ZNF77: variants seen among roughly 807,000 people sequenced by gnomAD.
ZNF77 encodes ZNFpT1.
ZNF77 carries 15 observed loss-of-function variants against 13.5 expected under a neutral mutation model. The ratio of observed to expected loss-of-function variants is 1.11; its 90% CI spans 0.74 to 1.71. The LOEUF (loss-of-function observed/expected upper bound fraction) is 1.71, where lower values mean the gene tolerates loss of function less well. Ranked by LOEUF, ZNF77 falls within the 40% of genes most tolerant of loss-of-function variation. The pLI, the probability that ZNF77 is intolerant of heterozygous loss-of-function variation, is 0.00. For missense variants in ZNF77, 717 were observed against 676.4 expected, an observed-to-expected ratio of 1.06 and a Z score of -0.67; for synonymous variants, 282 against 250.0, an observed-to-expected ratio of 1.13 and a Z score of -1.21.
chr19:2,937,846 T>C (rs1347044390), intron 2 of ZNF77, among the ~76,000 whole-genome samples: 1 of 152,094 alleles, frequency 6.6e-6, no homozygotes, highest in East Asian at 1.9e-4. Context: ...AACCTCCGTG[T>C]CCTGGGTTCA....
chr19:2,934,172 T>A lies in ZNF77; in HGVS notation c.955A>T (p.Thr319Ser), dbSNP rs2088372696. Residue 319 changes from threonine (T) to serine (S), a missense_variant, in exon 4 of 4, where the codon ACT becomes TCT. Transcript: ENST00000314531. ...TTACACTGACAGGGTTTCTCTCCAG[T>A]GTGCGTCCTCACGTGATCTCTAAAG... is the stretch of plus-strand genomic sequence containing the variant. ...SSFRDHVRTH[T>S]GEKPCQCKHC... 2 of 1,614,232 alleles carry A rather than the reference T, an allele frequency of 1.2e-6. No homozygotes were observed. The highest frequency in any genetic ancestry group is 1.7e-6 in the Non-Finnish European group (2 of 1,180,030).
intron 1 of ZNF77, among the ~76,000 whole-genome samples, chr19:2,944,053 C>A (rs1028220746): frequency 5.3e-5 from 8 of 151,928 alleles, no homozygotes; most frequent in African/African-American, 1.9e-4. Flanking sequence ...GGCACCACCT[C>A]CTCCTTGGCA....
Position 2,933,492 on chromosome 19 carries a change from C to T in ZNF77, c.1635G>A (p.Ala545=), listed in dbSNP as rs76980806. The change falls in exon 4 of 4, where the codon GCG becomes GCA. Residue 545 remains alanine, a synonymous_variant. Transcript: ENST00000314531. ...CAGGTCCACTGTATTCGTAGATTCA[C>T]GCTCCAGCATGTGTTCTCACATGTG... ...LQAHVRTHAG[A] is the part of the protein sequence containing the mutation. 1,481 of 1,551,566 alleles carry T rather than the reference C, an allele frequency of 9.5e-4. 6 individuals are homozygous for T. In the African/African-American group the frequency reaches 0.017, roughly 18 times the overall value.
intron 1 of ZNF77, 88 bp from the exon 2 acceptor site, chr19:2,939,495 C>G: frequency 6.4e-7 from 1 of 1,567,112 alleles, no homozygotes; most frequent in East Asian, 2.2e-5. Context: ...GCCTGGGGAA[C>G]TGAGCCACAC....
At position 2,933,805 on chromosome 19, in the gene ZNF77, C is replaced by T; in HGVS notation, c.1322G>A (p.Cys441Tyr). The change falls in exon 4 of 4, where the codon TGT becomes TAT. Residue 441 changes from cysteine to tyrosine, a missense_variant. Physicochemically the swap from Cys to Tyr is radical, Grantham distance 194. Coordinates refer to ENST00000314531, the MANE Select transcript of ZNF77 (RefSeq NM_021217.3). ...GGAGTGACAGCTGAAGGCTTTCCCA[C>T]AATGCTTACACTCAAAGGGCTTCTC... ...TGEKPFECKH[C>Y]GKAFSCHSSL... is the part of the protein sequence containing the mutation. The T allele has an allele frequency of 1.9e-6, 3 of 1,613,294 alleles. No individual in the cohort carries two copies. The highest frequency in any genetic ancestry group is 2.5e-6 in the Non-Finnish European group (3 of 1,179,330).
intron 2 of ZNF77, among the ~76,000 whole-genome samples, chr19:2,937,667 AGT>A (rs2088409559): frequency 6.6e-6 from 1 of 152,168 alleles, no homozygotes; most frequent in Non-Finnish European, 1.5e-5. Context: ...GAAGGAGGAC[AGT>A]GCAGGGGGGT....
At position 2,936,677 on chromosome 19, in the gene ZNF77, C is replaced by A; in HGVS notation, c.158G>T (p.Gly53Val). 4.4e-6 allele frequency: 7 copies of A among 1,608,266 alleles called. No homozygotes were observed. Among genetic ancestry groups the A allele is most frequent in the Non-Finnish European group, 5.1e-6 (6 of 1,178,444 alleles). The change falls in exon 3 of 4, where the codon GGA becomes GTA. Residue 53 changes from glycine to valine, a missense_variant. Transcript: ENST00000314531. ...LDCYIYVRTS[G>V]SSSQRDVFGN... is the part of the protein sequence containing the mutation. The stretch of plus-strand genomic sequence containing the variant: ...AAAAACGTCCCTCTGAGAACTTGAT[C>A]CACTGGTTCTAACATAAATGTAACA...
intron 1 of ZNF77, 114 bp from the exon 2 acceptor site, chr19:2,939,521 G>T: frequency 1.4e-6 from 2 of 1,476,128 alleles, no homozygotes; most frequent in Non-Finnish European, 1.8e-6. Flanking sequence ...TTATGTCCTT[G>T]TGAGAGGTGA....
chr19:2,934,941 C>T, intron 3 of ZNF77, 126 bp from the exon 4 acceptor site: 1 of 1,247,764 alleles, frequency 8.0e-7, no homozygotes, highest in Non-Finnish European at 1.1e-6. Flanking sequence ...ATTTTCAGCA[C>T]TGTCTGCCTG....
Position 2,934,381 on chromosome 19 carries a change from A to C in ZNF77, c.746T>G (p.Phe249Cys). 1 of 1,614,168 alleles carries C rather than the reference A, an allele frequency of 6.2e-7. No homozygotes were observed. The highest frequency in any genetic ancestry group is 8.5e-7 in the Non-Finnish European group (1 of 1,180,028). ...CCGTGTAAGGTAGGAGTAATACATAAAGGTCTTCCCACATACTTTACATGC... is the reference window on the plus strand; with the variant it reads ...CCGTGTAAGGTAGGAGTAATACATACAGGTCTTCCCACATACTTTACATGC... ...THACKVCGKT[F>C]MYYSYLTRHV... The change falls in exon 4 of 4, where the codon TTT becomes TGT. Residue 249 changes from phenylalanine (F) to cysteine (C), a missense_variant. Phe to Cys is a radical substitution (Grantham distance 205, BLOSUM62 -2). Coordinates refer to ENST00000314531, the MANE Select transcript of ZNF77 (RefSeq NM_021217.3).
chr19:2,934,401 A>G lies in ZNF77; in HGVS notation c.726T>C (p.Cys242=). Residue 242 remains cysteine (C), a synonymous_variant, in exon 4 of 4, where the codon TGT becomes TGC. Coordinates refer to ENST00000314531, the MANE Select transcript of ZNF77 (RefSeq NM_021217.3). ...ACATAAAGGTCTTCCCACATACTTT[A>G]CATGCATGGGTTTTCTGCCCATGAT... ...NSHHGQKTHA[C]KVCGKTFMYY... is the part of the protein sequence containing the mutation. 1 of 1,614,228 alleles carries G rather than the reference A, an allele frequency of 6.2e-7. No homozygotes were observed.
intron 1 of ZNF77, among the ~76,000 whole-genome samples, chr19:2,940,609 G>C (rs1048479285): frequency 6.6e-6 from 1 of 151,328 alleles, no homozygotes; most frequent in South Asian, 2.1e-4. Flanking sequence ...GGAGGCAGAG[G>C]TTGCAGTGAG....
Position 2,933,794 on chromosome 19 carries a change from A to C in ZNF77, c.1333T>G (p.Phe445Val), listed in dbSNP as rs767635892. 2 of 1,613,212 alleles carry C rather than the reference A, an allele frequency of 1.2e-6. No homozygotes were observed. The highest frequency in any genetic ancestry group is 1.7e-6 in the Non-Finnish European group (2 of 1,179,270). Residue 445 changes from phenylalanine to valine, a missense_variant, in exon 4 of 4, where the codon TTC (phenylalanine) becomes GTC (valine). Coordinates refer to ENST00000314531, the MANE Select transcript of ZNF77 (RefSeq NM_021217.3). Reference sequence around the variant, plus strand: ...TCTCGAAGGGAGGAGTGACAGCTGAAGGCTTTCCCACAATGCTTACACTCA... The same window carrying C: ...TCTCGAAGGGAGGAGTGACAGCTGACGGCTTTCCCACAATGCTTACACTCA... ...PFECKHCGKA[F>V]SCHSSLREHV...
At chr19:2,939,704 G>C (rs1293808011) in intron 1 of ZNF77, 1 of 361,666 alleles carries the variant, frequency 2.8e-6, no homozygotes, top group Non-Finnish European at 5.2e-6. Flanking sequence ...AAGGCTGGTG[G>C]CTCATGCCTG....
intron 2 of ZNF77, among the ~76,000 whole-genome samples, chr19:2,938,910 CGT>C (rs1291405009): frequency 6.6e-6 from 1 of 151,034 alleles, no homozygotes; most frequent in East Asian, 1.9e-4. Flanking sequence ...GAGCCGAGAT[CGT>C]GCCACTGCAC....
rs751724917 is a variant in ZNF77, at chr19:2,933,666, A to G, written c.1461T>C (p.Ser487=). 12 of 1,613,118 alleles carry G rather than the reference A, an allele frequency of 7.4e-6. No homozygotes were observed. In the East Asian group the frequency reaches 1.1e-4, roughly 15 times the overall value. Residue 487 remains serine (S), a synonymous_variant, in exon 4 of 4, where the codon AGT becomes AGC. Transcript: ENST00000314531. ...QYFQKHVRSH[S]GVKPYECTEC... Reference sequence around the variant, plus strand: ...CAGTACATTCGTAGGGTTTGACCCCACTGTGTGATCTCACATGCTTTTGAA... The same window carrying G: ...CAGTACATTCGTAGGGTTTGACCCCGCTGTGTGATCTCACATGCTTTTGAA...
Position 2,939,304 on chromosome 19 carries a change from G to A in ZNF77, c.107C>T (p.Thr36Ile), listed in dbSNP as rs542287366. Reference sequence around the variant, plus strand: ...ACCCAAGGAGGCAAGGTTCCTGCAGGTCTCCAGCATCACATCTCTGTAGAG... The same window carrying A: ...ACCCAAGGAGGCAAGGTTCCTGCAGATCTCCAGCATCACATCTCTGTAGAG... ...RSLYRDVMLE[T>I]CRNLASLDCY... Residue 36 changes from threonine (T) to isoleucine (I), a missense_variant, in exon 2 of 4, where the codon ACC becomes ATC. Physicochemically the swap from Thr to Ile is moderately conservative, Grantham distance 89 (BLOSUM62 -1). Transcript: ENST00000314531. The A allele has an allele frequency of 1.1e-5, 17 of 1,614,072 alleles. No homozygotes were observed. The South Asian group carries it at 1.8e-4, about 17-fold the overall frequency.
At chr19:2,937,167 T>G (rs2088405093) in intron 2 of ZNF77, among the ~76,000 whole-genome samples, 1 of 152,068 alleles carries the variant, frequency 6.6e-6, no homozygotes. Flanking sequence ...GCAGCCTGTG[T>G]GACAGAGTGA....
In ZNF77 at chr19:2,939,402, G is replaced by T. The variant is rs748785871; in HGVS notation, c.9C>A (p.Cys3Ter). The stretch of plus-strand genomic sequence containing the variant: ...TCACAGCCACTTCCTCAAAGATCAC[G>T]CAGTCCTAAAACATTCCACACATCC... The part of the protein sequence containing the change: MD[C>*]VIFEEVAVNF... The change falls in exon 2 of 4, where the codon TGC becomes TGA. Residue 3 changes from cysteine (C) to a stop codon, truncating the protein, a stop_gained. Coordinates refer to ENST00000314531, the MANE Select transcript of ZNF77 (RefSeq NM_021217.3). LOFTEE classifies it high-confidence loss of function. The T allele has an allele frequency of 1.9e-6, 3 of 1,614,020 alleles. No individual in the cohort carries two copies. The highest frequency in any genetic ancestry group is 2.5e-6 in the Non-Finnish European group (3 of 1,179,930).
Sources: allele counts gnomAD v4.1 joint callset (sites outside exome capture counted in the v4.1 genomes callset), GRCh38; gene constraint gnomAD v4.1.1; transcripts MANE v1.5; gene names NCBI Gene and HGNC (gene_info 2026-07-23, HGNC 2026-07-21).